FAM50A: variants seen among roughly 807,000 people sequenced by gnomAD.
FAM50A encodes the protein protein FAM50A.
In FAM50A, 6 loss-of-function variants were observed where a neutral mutation model predicts 35.5. The ratio of observed to expected loss-of-function variants is 0.17; its 90% CI spans 0.09 to 0.33. The LOEUF is 0.33. Ranked by LOEUF, FAM50A falls within the 10% of genes least tolerant of loss-of-function variation. FAM50A has a pLI of 1.00. For missense variants in FAM50A, 145 were observed against 295.5 expected (o/e 0.49, Z 3.73); for synonymous variants, 120 against 110.9 (o/e 1.08, Z -0.52).
In FAM50A at chrX:154,446,505, G is replaced by A. The variant is rs782585686; in HGVS notation, c.387G>A (p.Glu129=). 3 of 1,200,485 alleles carry A rather than the reference G, an allele frequency of 2.5e-6. No individual in the cohort carries two copies. Among genetic ancestry groups the A allele is most frequent in the Non-Finnish European group, 2.3e-6 (2 of 888,094 alleles). The stretch of plus-strand genomic sequence containing the variant: ...CCTTCACCCTGGAGGAGGAAGAAGA[G>A]GGAGGCGAGGAGGAAGAGGAGGCGG... ...SLSFTLEEEE[E]GGEEEEEAAM... The change falls in exon 4 of 13, where the codon GAG becomes GAA. Residue 129 remains glutamate, a synonymous_variant. Coordinates refer to ENST00000393600, the MANE Select transcript of FAM50A (RefSeq NM_004699.4).
In FAM50A at chrX:154,450,359, G is replaced by A. The variant is rs782242119; in HGVS notation, c.1011+40G>A. The A allele has an allele frequency of 8.3e-6, 10 of 1,203,143 alleles. No individual in the cohort carries two copies. In the African/African-American group the frequency reaches 8.8e-5, roughly 11 times the overall value. Reference sequence around the variant, plus strand: ...GCAGGGACCCCTCCAAGTTGGGGACGGCAGCCAGCCCCTGCTCACCCCTCG... The same window carrying A: ...GCAGGGACCCCTCCAAGTTGGGGACAGCAGCCAGCCCCTGCTCACCCCTCG... On this transcript the variant is annotated intron_variant, in intron 12 of 12. Coordinates refer to ENST00000393600, the MANE Select transcript of FAM50A (RefSeq NM_004699.4).
At chrX:154,449,390 G>A in intron 8 of FAM50A, 93 bp downstream of exon 8, 1 of 749,750 alleles carries the variant, frequency 1.3e-6, no homozygotes, top group Non-Finnish European at 2.1e-6. Flanking sequence ...GCGCTGTCTG[G>A]GCAAGCAAGC....
intron 3 of FAM50A, chrX:154,446,128 C>T (rs1040917526): frequency 2.2e-6 from 1 of 445,185 alleles, no homozygotes; most frequent in Admixed American, 3.9e-5. Context: ...CCTCTAAATG[C>T]AGTGGGCCCT....
chrX:154,447,552 T>C (rs1557199954), intron 4 of FAM50A, among the ~76,000 whole-genome samples: 1 of 112,484 alleles, frequency 8.9e-6, no homozygotes, highest in Non-Finnish European at 1.9e-5. Context: ...ATCCAAAATA[T>C]CACCATTGCG....
intron 3 of FAM50A, 45 bp downstream of exon 3, chrX:154,445,956 G>A (rs782253943): frequency 5.7e-6 from 6 of 1,050,170 alleles, no homozygotes; most frequent in South Asian, 1.9e-5. Flanking sequence ...TAGTGCTTAC[G>A]GGGTCCCGTG....
At chrX:154,447,413 G>A (rs2068786457) in intron 4 of FAM50A, among the ~76,000 whole-genome samples, 2 of 111,292 alleles carry the variant, frequency 1.8e-5, no homozygotes, top group South Asian at 7.5e-4. Context: ...TTTGAGGGGA[G>A]TGCAGGATTG....
chrX:154,450,538 T>C lies in FAM50A; in HGVS notation c.*106T>C. On this transcript the variant is annotated 3_prime_UTR_variant, in exon 13 of 13. Coordinates refer to ENST00000393600, the MANE Select transcript of FAM50A (RefSeq NM_004699.4). ...TCCCCTGCGACCATGCCAGGCACGC[T>C]GGGAGGAGGACGGCAGCTGCTCGTG... 1 of 848,892 alleles carries C rather than the reference T, an allele frequency of 1.2e-6. No individual in the cohort carries two copies. Among genetic ancestry groups the C allele is most frequent in the Non-Finnish European group, 1.7e-6 (1 of 588,612 alleles). 70.0% of individuals were successfully genotyped at this position (848,892 alleles called of 1,213,427 possible).
chrX:154,446,040 C>T lies in FAM50A; in HGVS notation c.296+129C>T, dbSNP rs782204207. The T allele has an allele frequency of 6.9e-5, 34 of 490,044 alleles. 1 individual carries two copies. The highest frequency in any genetic ancestry group is 3.4e-4 in the Admixed American group (10 of 29,041). 40.4% of individuals were successfully genotyped at this position (490,044 alleles called of 1,213,427 possible). ...TGGGACAGGGGTAGCATCTAGCTTG[C>T]GATTTGCATTTCTCTCTCCCGCCTC... On this transcript the variant is annotated intron_variant, in intron 3 of 12. Transcript: ENST00000393600.
rs2068802376 is a variant in FAM50A at position 154,450,637 on chromosome X, C to G, written c.*205C>G. On this transcript the variant is annotated 3_prime_UTR_variant, in exon 13 of 13. Coordinates refer to ENST00000393600, the MANE Select transcript of FAM50A (RefSeq NM_004699.4). ...AGTGCACGTGTCAGAGCTGGAGCGC[C>G]TGCATTGTGAGAAACCATTTGTGTT... 1 of 442,821 alleles carries G rather than the reference C, an allele frequency of 2.3e-6. No homozygotes were observed. Among genetic ancestry groups the G allele is most frequent in the Admixed American group, 4.0e-5 (1 of 24,993 alleles). The allele number at this position is 442,821 out of a possible 1,213,427, so 36.5% of individuals were successfully genotyped here.
chrX:154,445,160 G>A (rs1173342798), intron 1 of FAM50A, among the ~76,000 whole-genome samples: 1 of 111,492 alleles, frequency 9.0e-6, no homozygotes, highest in Non-Finnish European at 1.9e-5. Flanking sequence ...CCACTGGTCA[G>A]CGAGGGCTTG....
chrX:154,450,504 G>C lies in FAM50A; in HGVS notation c.*72G>C, dbSNP rs192598713. ...GCCCCGTGGTGTCACCGGGACTCCAGGCACCCGCTCCCCTGCGACCATGCC... is the reference window on the plus strand; with the variant it reads ...GCCCCGTGGTGTCACCGGGACTCCACGCACCCGCTCCCCTGCGACCATGCC... On this transcript the variant is annotated 3_prime_UTR_variant, in exon 13 of 13. Coordinates refer to ENST00000393600, the MANE Select transcript of FAM50A (RefSeq NM_004699.4). The C allele has an allele frequency of 0.017, 18,613 of 1,101,878 alleles. 129 individuals are homozygous for C. The highest frequency in any genetic ancestry group is 0.02 in the Non-Finnish European group (16,177 of 805,039). 90.8% of individuals were successfully genotyped at this position (1,101,878 alleles called of 1,213,427 possible).
rs782753766 is a variant in FAM50A, at chrX:154,444,188, TCGCCGCCGCCGCCGCCCGC to T, written c.-31_-13del. The T allele has an allele frequency of 4.9e-3, 2,463 of 507,777 alleles. 51 individuals carry two copies. In the Middle Eastern group the frequency reaches 0.091, roughly 19 times the overall value. 41.8% of individuals were successfully genotyped at this position (507,777 alleles called of 1,213,427 possible). A position where few individuals can be genotyped will look rare whatever the true frequency, so the allele number is the denominator to read the frequency against. On this transcript the variant is annotated 5_prime_UTR_variant, in exon 1 of 13. Coordinates refer to ENST00000393600, the MANE Select transcript of FAM50A (RefSeq NM_004699.4). ...GCCGCTGCCGCTGCCGCTGTCGCTGTCGCCGCCGCCGCCGCCCGCCGCCGCCGCCGCCGCCGCCGCCGCT... is the reference window on the plus strand; with the variant it reads ...GCCGCTGCCGCTGCCGCTGTCGCTGTCGCCGCCGCCGCCGCCGCCGCCGCT...
chrX:154,448,990 G>A (rs2068793396), intron 7 of FAM50A, 36 bp downstream of exon 7: 2 of 1,152,636 alleles, frequency 1.7e-6, no homozygotes, highest in Non-Finnish European at 2.4e-6. Context: ...GCTCACCATG[G>A]GCCCAGCCTC....
chrX:154,449,130 G>A, intron 7 of FAM50A, 91 bp from the exon 8 acceptor site: 21 of 918,941 alleles, frequency 2.3e-5, no homozygotes, highest in East Asian at 9.2e-5. Context: ...GCTCTGCAGC[G>A]TCTGGCAGGG....
At chrX:154,449,997 C>T (rs781890876) in intron 10 of FAM50A, 32 bp from the exon 11 acceptor site, 17 of 1,206,154 alleles carry the variant, frequency 1.4e-5, no homozygotes, top group Middle Eastern at 2.3e-4. Context: ...GGGGCAGCAG[C>T]GGGACATTGG....
At chrX:154,445,941 G>A (rs1557199765) in intron 3 of FAM50A, 30 bp downstream of exon 3, 1 of 1,115,536 alleles carries the variant, frequency 9.0e-7, no homozygotes, top group Admixed American at 2.2e-5. Context: ...CCCTCAACAT[G>A]GAGCTAGTGC....
At position 154,449,540 on chromosome X, in the gene FAM50A, A is replaced by G. The variant is rs2068796140; in HGVS notation, c.726-141A>G. 1.1e-5 allele frequency: 6 copies of G among 553,257 alleles called. No individual in the cohort carries two copies. The South Asian group carries it at 1.4e-4, about 13-fold the overall frequency. The allele number at this position is 553,257 out of a possible 1,213,427, so 45.6% of individuals were successfully genotyped here. A position where few individuals can be genotyped will look rare whatever the true frequency, so the allele number is the denominator to read the frequency against. ...GGTGCTGGGCGCCAGTCCTGTGCTC[A>G]CTAAACCATGGAGCTTCCCTCACAG... On this transcript the variant is annotated intron_variant, in intron 8 of 12. Transcript: ENST00000393600.
rs781826792 is a variant in FAM50A, at chrX:154,445,894, G to A, written c.279G>A (p.Gln93=). The A allele has an allele frequency of 7.5e-6, 9 of 1,204,936 alleles. No individual in the cohort carries two copies. The East Asian group carries it at 2.7e-4, about 36-fold the overall frequency. The change falls in exon 3 of 13, where the codon CAG becomes CAA. Residue 93 remains glutamine (Q), a synonymous_variant. Coordinates refer to ENST00000393600, the MANE Select transcript of FAM50A (RefSeq NM_004699.4). ...AGAAGCAGCTGGCCAAGAAGGAGCA[G>A]TCCAAGGAGCTGCAGATGTGGGTCC... ...EREKQLAKKE[Q]SKELQMKLEK...
chrX:154,447,067 A>G (rs1557199909), intron 4 of FAM50A, among the ~76,000 whole-genome samples: 1 of 111,514 alleles, frequency 9.0e-6, no homozygotes, highest in Non-Finnish European at 1.9e-5. Flanking sequence ...ACGGGTCACC[A>G]TGCACTGAAG....
Sources: gnomAD v4.1 joint callset for allele counts (sites outside exome capture counted in the v4.1 genomes callset) on GRCh38, gnomAD v4.1.1 for gene constraint, MANE v1.5 for transcripts, NCBI Gene and HGNC (gene_info 2026-07-23, HGNC 2026-07-21) for gene names.